KAZN: variants seen among roughly 807,000 people sequenced by gnomAD.
The protein encoded by KAZN is kazrin.
KAZN carries 40 observed loss-of-function variants against 87.4 expected under a neutral mutation model. The ratio of observed to expected loss-of-function variants is 0.46; its 90% CI spans 0.36 to 0.60. KAZN has a LOEUF of 0.60. Ranked by LOEUF, KAZN falls within the 20% of genes least tolerant of loss-of-function variation. The pLI, the probability that KAZN is intolerant of heterozygous loss-of-function variation, is 0.00. For missense variants in KAZN, 898 were observed against 1,073.9 expected, an observed-to-expected ratio of 0.84 and a Z score of 2.29; for synonymous variants, 466 against 458.3, an observed-to-expected ratio of 1.02 and a Z score of -0.22.
At chr1:14,509,638 G>C (rs566687786) in intron 2 of KAZN, among the ~76,000 whole-genome samples, 2 of 152,188 alleles carry the variant, frequency 1.3e-5, no homozygotes, top group African/African-American at 4.8e-5. Context: ...CCGTGAGCTT[G>C]CATCACACGC....
intron 1 of KAZN, among the ~76,000 whole-genome samples, chr1:14,113,913 C>T (rs574965579): frequency 7.2e-5 from 11 of 152,154 alleles, no homozygotes; most frequent in Admixed American, 7.2e-4. Context: ...TGTGTGTGGC[C>T]GTCTGAAATT....
At chr1:14,852,135 C>A (rs1187650576) in intron 1 of KAZN, among the ~76,000 whole-genome samples, 1 of 152,182 alleles carries the variant, frequency 6.6e-6, no homozygotes, top group African/African-American at 2.4e-5. Context: ...CCTGGATCTC[C>A]TTCTCCTTCT....
rs893002276 is a variant in KAZN, at chr1:14,924,464, C to T, written c.227-36220C>T. On this transcript the variant is annotated intron_variant, in intron 1 of 14. Coordinates refer to ENST00000376030, the MANE Select transcript of KAZN (RefSeq NM_201628.3). ...CGGGGCGGGGGCCGGGCCCGCGCGGCCCCCGGGACCCGCAGCCTGCGAGCA... is the reference window on the plus strand; with the variant it reads ...CGGGGCGGGGGCCGGGCCCGCGCGGTCCCCGGGACCCGCAGCCTGCGAGCA... The T allele has an allele frequency of 1.7e-5, 17 of 989,760 alleles. No individual in the cohort carries two copies. In the African/African-American group the frequency reaches 2.5e-4, roughly 14 times the overall value. The allele number at this position is 989,760 out of a possible 1,614,324, so 61.3% of individuals were successfully genotyped here.
intron 1 of KAZN, among the ~76,000 whole-genome samples, chr1:13,943,898 A>G (rs1251632295): frequency 6.6e-6 from 1 of 152,254 alleles, no homozygotes; most frequent in African/African-American, 2.4e-5. Flanking sequence ...TGACAAGGAT[A>G]TGGAGAAATG....
Position 14,080,843 on chromosome 1 carries a change from C to A in KAZN, c.92-99592C>A, listed in dbSNP as rs574822176. On this transcript the variant is annotated intron_variant, in intron 1 of 16. Transcript: ENST00000636203. ...TTAAGAGCTACAGTTGAAGTTTGAC[C>A]CCCCCAGGGAAGTTTCCATGGTTTC... Among the ~76,000 whole-genome samples the A allele has an allele frequency of 2.0e-5, 3 of 152,252 alleles. No homozygotes were observed. The South Asian group carries it at 6.2e-4, about 32-fold the overall frequency.
At chr1:14,713,476 G>C (rs912808280) in intron 1 of KAZN, among the ~76,000 whole-genome samples, 3 of 152,118 alleles carry the variant, frequency 2.0e-5, no homozygotes, top group Admixed American at 1.3e-4. Context: ...GCTCCCAGTG[G>C]GGGGTGATTT....
intron 1 of KAZN, among the ~76,000 whole-genome samples, chr1:13,970,538 G>T (rs936678567): frequency 6.6e-6 from 1 of 152,202 alleles, no homozygotes; most frequent in African/African-American, 2.4e-5. Flanking sequence ...AATGAAAAAG[G>T]TGGGCTTGGA....
At chr1:14,254,015 A>T (rs1366860077) in intron 2 of KAZN, among the ~76,000 whole-genome samples, 1 of 151,782 alleles carries the variant, frequency 6.6e-6, no homozygotes, top group Non-Finnish European at 1.5e-5. Flanking sequence ...TTTGGAGTTT[A>T]TGAAATGTCT....
chr1:14,514,388 TATATATATTTA>T (rs1169876002), intron 2 of KAZN, among the ~76,000 whole-genome samples: 1 of 13,242 alleles, frequency 7.6e-5, no homozygotes, highest in African/African-American at 3.3e-4. Context: ...ATATATATAT[TATATATATTTA>T]TATATATAAT....
At chr1:14,775,097 T>C (rs1212583237) in intron 1 of KAZN, among the ~76,000 whole-genome samples, 1 of 152,130 alleles carries the variant, frequency 6.6e-6, no homozygotes, top group African/African-American at 2.4e-5. Flanking sequence ...GTGTTTACAA[T>C]AGACAGTGCT....
chr1:14,416,672 G>A (rs1290124607), intron 2 of KAZN, among the ~76,000 whole-genome samples: 1 of 152,080 alleles, frequency 6.6e-6, no homozygotes, highest in Non-Finnish European at 1.5e-5. Flanking sequence ...AGGAGACAGA[G>A]GTTGCAGTGA....
chr1:14,875,331 CAAAAAAAAAAA>C (rs58205013), intron 1 of KAZN, among the ~76,000 whole-genome samples: 1 of 86,948 alleles, frequency 1.2e-5, no homozygotes, highest in Non-Finnish European at 2.2e-5. Flanking sequence ...AACTCTGTCT[CAAAAAAAAAAA>C]AAAAAAAAAA....
At chr1:14,752,787 G>A (rs772423416) in intron 1 of KAZN, among the ~76,000 whole-genome samples, 1 of 152,098 alleles carries the variant, frequency 6.6e-6, no homozygotes, top group Non-Finnish European at 1.5e-5. Context: ...CAAAACCAGC[G>A]CTTAGTTTTA....
At chr1:14,075,014 T>G (rs1344403743) in intron 1 of KAZN, among the ~76,000 whole-genome samples, 2 of 152,168 alleles carry the variant, frequency 1.3e-5, no homozygotes, top group Non-Finnish European at 2.9e-5. Context: ...ATCTACGACT[T>G]ATTTCTTATT....
chr1:14,231,894 C>T (rs1035980458), intron 2 of KAZN, among the ~76,000 whole-genome samples: 7 of 152,180 alleles, frequency 4.6e-5, no homozygotes, highest in Admixed American at 3.3e-4. Flanking sequence ...GGGATCCAGG[C>T]TCCTTTCCCC....
At chr1:15,011,151 C>A (rs924363672) in intron 2 of KAZN, among the ~76,000 whole-genome samples, 10 of 152,274 alleles carry the variant, frequency 6.6e-5, no homozygotes, top group African/African-American at 2.2e-4. Context: ...GGAGGCAGAT[C>A]GGAGTTTGAT....
At chr1:14,585,380 G>C (rs1675792706) in intron 2 of KAZN, among the ~76,000 whole-genome samples, 1 of 152,180 alleles carries the variant, frequency 6.6e-6, no homozygotes, top group African/African-American at 2.4e-5. Flanking sequence ...TTGTGGATCT[G>C]CACAATGGCA....
chr1:14,808,191 T>C (rs1646283453), intron 1 of KAZN, among the ~76,000 whole-genome samples: 1 of 152,102 alleles, frequency 6.6e-6, no homozygotes, highest in Non-Finnish European at 1.5e-5. Context: ...AGGCGGTGTA[T>C]GTTCTAGACC....
At chr1:14,248,101 C>A (rs543528105) in intron 2 of KAZN, among the ~76,000 whole-genome samples, 10 of 152,260 alleles carry the variant, frequency 6.6e-5, no homozygotes, top group African/African-American at 2.2e-4. Flanking sequence ...ATTTCACAGG[C>A]AAAAGTTGAT....
Sources: allele counts gnomAD v4.1 joint callset (sites outside exome capture counted in the v4.1 genomes callset), GRCh38; gene constraint gnomAD v4.1.1; transcripts MANE v1.5; gene names NCBI Gene and HGNC (gene_info 2026-07-23, HGNC 2026-07-21).